The following TMPRSS15 variants were observed in gnomAD, a reference collection of about 807,000 sequenced individuals.
TMPRSS15 encodes the protein transmembrane serine protease 15.
In TMPRSS15, 128 loss-of-function variants were observed where a neutral mutation model predicts 125.3. The ratio of observed to expected loss-of-function variants is 1.02; its 90% CI spans 0.89 to 1.18. The LOEUF (loss-of-function observed/expected upper bound fraction) is 1.18, where lower values mean the gene tolerates loss of function less well. TMPRSS15 is among the 50% of genes most tolerant of loss of function. TMPRSS15 has a pLI of 0.00. For missense variants in TMPRSS15, 1,283 were observed against 1,212.7 expected (o/e 1.06, Z -0.86); for synonymous variants, 446 against 423.2 (o/e 1.05, Z -0.66).
At chr21:18,450,626 T>C (rs1350367683) in intron 1 of TMPRSS15, among the ~76,000 whole-genome samples, 1 of 152,156 alleles carries the variant, frequency 6.6e-6, no homozygotes, top group Non-Finnish European at 1.5e-5. Context: ...TAAATAGCTG[T>C]CAGCAAGGGA....
chr21:18,382,032 GA>G (rs1041661168), intron 4 of TMPRSS15, among the ~76,000 whole-genome samples: 4 of 151,912 alleles, frequency 2.6e-5, no homozygotes, highest in Non-Finnish European at 5.9e-5. Flanking sequence ...AAATGACTAT[GA>G]AAAAAATCAA....
At chr21:18,355,627 G>A (rs1473641605) in intron 8 of TMPRSS15, among the ~76,000 whole-genome samples, 2 of 151,760 alleles carry the variant, frequency 1.3e-5, no homozygotes, top group Non-Finnish European at 2.9e-5. Flanking sequence ...GTATTTGATT[G>A]AGTCTTGGTT....
At chr21:18,322,802 G>A (rs2075252515) in intron 16 of TMPRSS15, among the ~76,000 whole-genome samples, 1 of 152,082 alleles carries the variant, frequency 6.6e-6, no homozygotes, top group Admixed American at 6.6e-5. Context: ...AAGATCTAGT[G>A]TTTGGTAACA....
intron 1 of TMPRSS15, among the ~76,000 whole-genome samples, chr21:18,436,309 C>T (rs910707845): frequency 2.0e-5 from 3 of 151,996 alleles, no homozygotes; most frequent in Admixed American, 6.6e-5. Context: ...TTGAATGTGT[C>T]CCAGAGATTC....
chr21:18,485,488 A>G (rs1230917239), intron 1 of TMPRSS15, among the ~76,000 whole-genome samples: 3 of 151,964 alleles, frequency 2.0e-5, no homozygotes, highest in East Asian at 3.9e-4. Context: ...GAAATTTCAC[A>G]CTATTCATTT....
chr21:18,314,032 C>A (rs553571108), intron 17 of TMPRSS15, among the ~76,000 whole-genome samples: 2 of 152,124 alleles, frequency 1.3e-5, no homozygotes, highest in East Asian at 1.9e-4. Context: ...CCAAGCTAAG[C>A]GCGTTCATCA....
intron 1 of TMPRSS15, among the ~76,000 whole-genome samples, chr21:18,429,617 C>T (rs889626607): frequency 6.6e-6 from 1 of 152,176 alleles, no homozygotes; most frequent in Non-Finnish European, 1.5e-5. Flanking sequence ...CTTTCTGCTG[C>T]CACGTAGGAA....
At chr21:18,284,829 C>T (rs539387477) in intron 21 of TMPRSS15, among the ~76,000 whole-genome samples, 31 of 152,030 alleles carry the variant, frequency 2.0e-4, no homozygotes, top group African/African-American at 6.0e-4. Context: ...GGTGAAACCC[C>T]GTCTCTACTA....
intron 16 of TMPRSS15, among the ~76,000 whole-genome samples, chr21:18,323,296 T>C (rs567323863): frequency 2.0e-4 from 31 of 152,322 alleles, no homozygotes; most frequent in African/African-American, 7.2e-4. Flanking sequence ...GGAGAATTAA[T>C]GGACTTGCTG....
intron 23 of TMPRSS15, among the ~76,000 whole-genome samples, chr21:18,276,450 G>A (rs1459846451): frequency 6.6e-6 from 1 of 152,162 alleles, no homozygotes; most frequent in Non-Finnish European, 1.5e-5. Context: ...GAATTGCAGA[G>A]ATTAAAATGG....
chr21:18,429,468 G>A (rs768759139), intron 1 of TMPRSS15, among the ~76,000 whole-genome samples: 4 of 152,150 alleles, frequency 2.6e-5, no homozygotes, highest in African/African-American at 9.7e-5. Flanking sequence ...ATTCCCATGT[G>A]CTGTGGGAGG....
intron 9 of TMPRSS15, 102 bp from the exon 10 acceptor site, chr21:18,353,154 T>G: frequency 1.0e-6 from 1 of 988,568 alleles, no homozygotes; most frequent in South Asian, 1.5e-5. Flanking sequence ...CAGCTTATAC[T>G]TCAGTGGTAT....
At position 18,397,945 on chromosome 21, in the gene TMPRSS15, A is replaced by G. The variant is rs377542918; in HGVS notation, c.278T>C (p.Ile93Thr). ...KVLAFDLQQM[I>T]DEIFLSSNLK... Reference sequence around the variant, plus strand: ...ATTGCTTGATAGAAAGATCTCATCTATCTAGAAAAATATAAAAGATTGAAT... The same window carrying G: ...ATTGCTTGATAGAAAGATCTCATCTGTCTAGAAAAATATAAAAGATTGAAT... The change falls in exon 3 of 25, where the codon ATA (isoleucine) becomes ACA (threonine). Residue 93 changes from isoleucine (I) to threonine (T), a missense_variant and splice_region_variant. Coordinates refer to ENST00000284885, the MANE Select transcript of TMPRSS15 (RefSeq NM_002772.3). The G allele has an allele frequency of 1.1e-5, 17 of 1,482,100 alleles. No homozygotes were observed. The African/African-American group carries it at 2.0e-4, about 17-fold the overall frequency. 91.8% of individuals were successfully genotyped at this position (1,482,100 alleles called of 1,614,324 possible). A position where few individuals can be genotyped will look rare whatever the true frequency, so the allele number is the denominator to read the frequency against.
At chr21:18,336,446 G>A (rs894544930) in intron 13 of TMPRSS15, among the ~76,000 whole-genome samples, 1 of 151,994 alleles carries the variant, frequency 6.6e-6, no homozygotes, top group African/African-American at 2.4e-5. Flanking sequence ...TAAAAGTTTA[G>A]GTTGTAATTT....
At chr21:18,304,716 G>A (rs1336693624) in intron 18 of TMPRSS15, among the ~76,000 whole-genome samples, 1 of 152,042 alleles carries the variant, frequency 6.6e-6, no homozygotes, top group African/African-American at 2.4e-5. Flanking sequence ...TATTACAGTG[G>A]TCATTAGAGC....
At chr21:18,472,474 TATATATACAC>T (rs1195500805) in intron 1 of TMPRSS15, among the ~76,000 whole-genome samples, 1 of 148,246 alleles carries the variant, frequency 6.7e-6, no homozygotes, top group African/African-American at 2.5e-5. Context: ...TATATATATA[TATATATACAC>T]ACACACACAC....
In TMPRSS15 at chr21:18,383,791, A is replaced by C. The variant is rs933136185; in HGVS notation, c.345-13T>G. ...AATGCTGCCATTTCTGCAAAGCAAA[A>C]GAGGATATAAGAGGAAAAAGTCAGC... On this transcript the variant is annotated splice_polypyrimidine_tract_variant and intron_variant, in intron 3 of 24. Coordinates refer to ENST00000284885, the MANE Select transcript of TMPRSS15 (RefSeq NM_002772.3). The C allele has an allele frequency of 9.3e-6, 15 of 1,610,456 alleles. No individual in the cohort carries two copies. The Admixed American group carries it at 1.3e-4, about 14-fold the overall frequency.
At chr21:18,384,316 A>C (rs534615401) in intron 3 of TMPRSS15, among the ~76,000 whole-genome samples, 2 of 152,258 alleles carry the variant, frequency 1.3e-5, no homozygotes, top group South Asian at 4.1e-4. Flanking sequence ...AAATATCAAA[A>C]TATGCCCTGA....
At chr21:18,359,636 T>G (rs1389214928) in intron 8 of TMPRSS15, 121 bp downstream of exon 8, 3 of 542,144 alleles carry the variant, frequency 5.5e-6, no homozygotes, top group Non-Finnish European at 1.0e-5. Context: ...ATTGTTTTTT[T>G]TTTAGTTTTA....
Sources: gnomAD v4.1 joint callset for allele counts (sites outside exome capture counted in the v4.1 genomes callset) on GRCh38, gnomAD v4.1.1 for gene constraint, MANE v1.5 for transcripts, NCBI Gene and HGNC (gene_info 2026-07-23, HGNC 2026-07-21) for gene names.